The following KIF26A variants were observed in gnomAD, a reference collection of about 807,000 sequenced individuals.
KIF26A encodes kinesin-like protein KIF26A.
A neutral mutation model predicts 126.0 loss-of-function variants in KIF26A; 74 were observed. The observed-to-expected ratio is 0.59, with a 90% CI of 0.49 to 0.71. The LOEUF is 0.71. Among genes scored for constraint, KIF26A ranks in the 30% least tolerant of loss-of-function variants. KIF26A has a pLI of 0.00. For synonymous variants in KIF26A, 1,445 were observed against 1,232.7 expected, an observed-to-expected ratio of 1.17 and a Z score of -3.61; for missense variants, 2,984 against 2,763.3, an observed-to-expected ratio of 1.08 and a Z score of -1.79.
At position 104,148,895 on chromosome 14, in the gene KIF26A, G is replaced by C. The variant is rs1176910508; in HGVS notation, c.289-3120G>C. On this transcript the variant is annotated intron_variant, in intron 2 of 14. Coordinates refer to ENST00000423312, the MANE Select transcript of KIF26A (RefSeq NM_015656.2). The surrounding 1 kb of genome is among the most constrained non-coding windows in gnomAD (Gnocchi z 4.3). ...GGTCCCGTGTGCTGAGTGGGGTGCC[G>C]AGTTCTCCTCTTGTCTTAGCTGGAC... 6.6e-6 allele frequency among the ~76,000 whole-genome samples: 1 copy of C among 152,160 alleles called. No individual in the cohort carries two copies. Among genetic ancestry groups the C allele is most frequent in the Non-Finnish European group, 1.5e-5 (1 of 68,024 alleles).
At chr14:104,164,232 C>T (rs866517470) in intron 4 of KIF26A, among the ~76,000 whole-genome samples, 11 of 146,284 alleles carry the variant, frequency 7.5e-5, no homozygotes, top group Admixed American at 4.8e-4. Flanking sequence ...TCAAGATAGA[C>T]GTGAGAGGCC....
chr14:104,179,591 C>T lies in KIF26A; in HGVS notation c.5468-18C>T. On this transcript the variant is annotated intron_variant, in intron 14 of 14. Coordinates refer to ENST00000423312, the MANE Select transcript of KIF26A (RefSeq NM_015656.2). ...CGGGCCTGACGCAGGTGCCCCTCCC[C>T]TCTCCTCCCCTCCCCAGTTGAGGTG... 1 of 1,497,508 alleles carries T rather than the reference C, an allele frequency of 6.7e-7. No individual in the cohort carries two copies. The highest frequency in any genetic ancestry group is 1.4e-5 in the African/African-American group (1 of 71,918). The allele number at this position is 1,497,508 out of a possible 1,614,324, so 92.8% of individuals were successfully genotyped here. A position where few individuals can be genotyped will look rare whatever the true frequency, so the allele number is the denominator to read the frequency against.
intron 9 of KIF26A, 69 bp downstream of exon 9, chr14:104,173,582 C>T (rs1242331051): frequency 6.6e-6 from 10 of 1,505,170 alleles, no homozygotes; most frequent in Non-Finnish European, 8.9e-6. Flanking sequence ...GCACAGGGGC[C>T]TGTCATCCAG....
At chr14:104,178,789 CTGGTGGGG>C in intron 13 of KIF26A, 34 bp downstream of exon 13, 1 of 1,258,872 alleles carries the variant, frequency 7.9e-7, no homozygotes, top group Non-Finnish European at 1.1e-6. Context: ...TCTATGACCC[CTGGTGGGG>C]AGCCTGCCGC....
intron 2 of KIF26A, among the ~76,000 whole-genome samples, chr14:104,142,208 G>T (rs1596130642): frequency 6.6e-6 from 1 of 152,256 alleles, no homozygotes; most frequent in African/African-American, 2.4e-5. Flanking sequence ...AGGGGAGGGG[G>T]ACATTGTCTT....
chr14:104,172,930 C>T, intron 7 of KIF26A, 47 bp from the exon 8 acceptor site: 1 of 1,521,400 alleles, frequency 6.6e-7, no homozygotes, highest in Non-Finnish European at 8.8e-7. Flanking sequence ...GCCATAAAGG[C>T]TCCTTGCGTG....
rs765943817 is a variant in KIF26A at position 104,152,206 on chromosome 14, C to A, written c.480C>A (p.Ser160Arg). The change falls in exon 3 of 15, where the codon AGC becomes AGA. Residue 160 changes from serine to arginine, a missense_variant. Transcript: ENST00000423312. This position sits in a 1 kb window ranked among gnomAD's most constrained non-coding sequence, Gnocchi z 5.9. ...TTGACGCCCCCCATGGAGGCCCCAG[C>A]CTCGCACCCCCCAGCACCACGACCA... ...EDLDAPHGGP[S>R]LAPPSTTTSS... The A allele has an allele frequency of 1.2e-6, 2 of 1,602,816 alleles. No homozygotes were observed. Among genetic ancestry groups the A allele is most frequent in the African/African-American group, 1.3e-5 (1 of 74,726 alleles).
rs377093118 is a variant in KIF26A at position 104,173,093 on chromosome 14, C to T, written c.1537C>T (p.Arg513Cys). 45 of 1,604,866 alleles carry T rather than the reference C, an allele frequency of 2.8e-5. No individual in the cohort carries two copies. Among genetic ancestry groups the T allele is most frequent in the East Asian group, 1.8e-4 (8 of 44,386 alleles). The change falls in exon 8 of 15, where the codon CGC becomes TGC. Residue 513 changes from arginine (R) to cysteine (C), a missense_variant. Arg to Cys is a radical substitution (Grantham distance 180, BLOSUM62 -3). Coordinates refer to ENST00000423312, the MANE Select transcript of KIF26A (RefSeq NM_015656.2). ...IEERRERTGT[R>C]FSVRVSAVEV... is the part of the protein sequence containing the mutation. ...GGAGCGCAGGGAGAGGACGGGCACC[C>T]GCTTCTCCGTCCGGGTCTCAGCCGT...
At position 104,180,650 on chromosome 14, in the gene KIF26A, C is replaced by G; in HGVS notation, c.*860C>G. The G allele has an allele frequency of 6.5e-6, 1 of 154,076 alleles. No individual in the cohort carries two copies. The highest frequency in any genetic ancestry group is 5.8e-4 in the Middle Eastern group (1 of 1,720). The allele number at this position is 154,076 out of a possible 1,614,324, so 9.5% of individuals were successfully genotyped here. On this transcript the variant is annotated 3_prime_UTR_variant, in exon 15 of 15. Coordinates refer to ENST00000423312, the MANE Select transcript of KIF26A (RefSeq NM_015656.2). ...GGGAAGGTGTTCTGGGGGCCGGGCT[C>G]TCTCCAGCTGTGGGAGGCCTGCTCC...
At chr14:104,165,813 G>GTGTTTC (rs2037892087) in intron 4 of KIF26A, among the ~76,000 whole-genome samples, 3 of 152,150 alleles carry the variant, frequency 2.0e-5, no homozygotes, top group South Asian at 4.2e-4. Context: ...GTGTGTCTGT[G>GTGTTTC]TGTTTCTGTG....
chr14:104,146,140 G>A (rs1258491531), intron 2 of KIF26A, among the ~76,000 whole-genome samples: 1 of 152,214 alleles, frequency 6.6e-6, no homozygotes. Flanking sequence ...CTGAGCCTCA[G>A]TCTATAAAGG....
chr14:104,172,567 C>T lies in KIF26A; in HGVS notation c.1327-8C>T. On this transcript the variant is annotated splice_polypyrimidine_tract_variant and splice_region_variant and intron_variant, in intron 6 of 14. Transcript: ENST00000423312. ...CCACAGCCCTGCCTGATTCTCTTGC[C>T]CCCCTAGGCCGAAGTCTGCTCGGGG... 1.9e-6 allele frequency: 3 copies of T among 1,609,012 alleles called. No individual in the cohort carries two copies. The highest frequency in any genetic ancestry group is 1.1e-5 in the South Asian group (1 of 90,762).
In KIF26A at chr14:104,175,156, G is replaced by T. The variant is rs774554441; in HGVS notation, c.2368G>T (p.Val790Phe). The T allele has an allele frequency of 1.2e-6, 2 of 1,607,368 alleles. No individual in the cohort carries two copies. Among genetic ancestry groups the T allele is most frequent in the Admixed American group, 3.4e-5 (2 of 59,422 alleles). ...SSSSEQSCDT[V>F]IYVGPGGAAL... ...CAGCAGCGAGCAGTCCTGTGACACG[G>T]TCATCTACGTGGGGCCCGGTGGGGC... The change falls in exon 12 of 15, where the codon GTC (valine) becomes TTC (phenylalanine). Residue 790 changes from valine (V) to phenylalanine (F), a missense_variant. By Grantham distance (50) the Val-to-Phe change is conservative (BLOSUM62 -1). Transcript: ENST00000423312.
chr14:104,166,846 C>G lies in KIF26A; in HGVS notation c.924-13C>G. The stretch of plus-strand genomic sequence containing the variant: ...CACCCACCACTGATCCTGCCTCTGC[C>G]TCTCCTCCCCAGGGCTATGCAGAAG... On this transcript the variant is annotated splice_polypyrimidine_tract_variant and intron_variant, in intron 4 of 14. Transcript: ENST00000423312. The G allele has an allele frequency of 6.5e-7, 1 of 1,546,796 alleles. No homozygotes were observed. The highest frequency in any genetic ancestry group is 8.7e-7 in the Non-Finnish European group (1 of 1,144,154).
At chr14:104,179,163 C>T (rs957054143) in intron 13 of KIF26A, 73 bp from the exon 14 acceptor site, 35 of 1,373,478 alleles carry the variant, frequency 2.5e-5, no homozygotes, top group East Asian at 1.7e-4. Flanking sequence ...GAGGCGGGGG[C>T]CACATCAGGG....
At chr14:104,147,694 C>A (rs1224045991) in intron 2 of KIF26A, among the ~76,000 whole-genome samples, 1 of 152,248 alleles carries the variant, frequency 6.6e-6, no homozygotes, top group Non-Finnish European at 1.5e-5. Flanking sequence ...GCCGGGGGTC[C>A]CTTCCTGGAC....
At chr14:104,141,080 C>A (rs537468744) in intron 2 of KIF26A, among the ~76,000 whole-genome samples, 1 of 152,234 alleles carries the variant, frequency 6.6e-6, no homozygotes, top group African/African-American at 2.4e-5. Flanking sequence ...GTCCCCTGTG[C>A]GGGCCTGGGC....
Position 104,175,970 on chromosome 14 carries a change from G to C in KIF26A, c.3182G>C (p.Cys1061Ser). 1 of 1,574,084 alleles carries C rather than the reference G, an allele frequency of 6.4e-7. No homozygotes were observed. The highest frequency in any genetic ancestry group is 1.1e-5 in the South Asian group (1 of 87,012). Residue 1061 changes from cysteine (C) to serine (S), a missense_variant, in exon 12 of 15, where the codon TGC (cysteine) becomes TCC (serine). Physicochemically the swap from Cys to Ser is moderately radical, Grantham distance 112 (BLOSUM62 -1). Transcript: ENST00000423312. ...AGCCTGGCTAGCTTCGACAGTGACT[G>C]CTCCCTGCGGGCCCTGGCCTCGGGG... ...PTSLASFDSD[C>S]SLRALASGSR...
intron 11 of KIF26A, 88 bp from the exon 12 acceptor site, chr14:104,174,894 A>ACT: frequency 7.5e-7 from 1 of 1,340,282 alleles, no homozygotes; most frequent in Non-Finnish European, 9.9e-7. Context: ...CAGTGACCGC[A>ACT]GCATTGGCCC....
Sources: gnomAD v4.1 joint callset for allele counts (sites outside exome capture counted in the v4.1 genomes callset) on GRCh38, gnomAD v4.1.1 for gene constraint, Gnocchi (gnomAD v3.1) non-coding constraint, MANE v1.5 for transcripts, NCBI Gene and HGNC (gene_info 2026-07-23, HGNC 2026-07-21) for gene names.